HDAC9: variants seen among roughly 807,000 people sequenced by gnomAD.
HDAC9 encodes the protein MEF-2 interacting transcription repressor (MITR) protein.
In HDAC9, 41 loss-of-function variants were observed where a neutral mutation model predicts 139.4. The observed-to-expected ratio is 0.29, with a 90% CI of 0.23 to 0.38. HDAC9 has a LOEUF of 0.38. Among genes scored for constraint, HDAC9 ranks in the 10% least tolerant of loss-of-function variants. The pLI, the probability that HDAC9 is intolerant of heterozygous loss-of-function variation, is 1.00. For synonymous variants in HDAC9, 517 were observed against 476.2 expected (o/e 1.09, Z -1.12); for missense variants, 1,147 against 1,297.0 (o/e 0.88, Z 1.78).
chr7:18,587,459 T>C (rs969864786), intron 3 of HDAC9, among the ~76,000 whole-genome samples: 5 of 152,218 alleles, frequency 3.3e-5, no homozygotes, highest in African/African-American at 1.2e-4. Context: ...TTATTTTGTT[T>C]TGTCTTGTAT....
chr7:18,628,806 A>G lies in HDAC9; in HGVS notation c.665-544A>G, dbSNP rs561030452. 1.1e-4 allele frequency among the ~76,000 whole-genome samples: 16 copies of G among 152,146 alleles called. 1 individual carries two copies. Among genetic ancestry groups the G allele is most frequent in the Non-Finnish European group, 2.1e-4 (14 of 68,016 alleles). ...TTGGTTTGGTGTCATTACACTGAGT[A>G]TGTTTCCCCAAGGTTTTAGATTAGA... On this transcript the variant is annotated intron_variant, in intron 6 of 25. Transcript: ENST00000686413.
At chr7:18,222,994 G>A (rs868674834) in intron 2 of HDAC9, among the ~76,000 whole-genome samples, 5 of 152,212 alleles carry the variant, frequency 3.3e-5, no homozygotes, top group Middle Eastern at 3.4e-3. Flanking sequence ...CAGTATTGCA[G>A]GAGAAAGTCC....
intron 2 of HDAC9, among the ~76,000 whole-genome samples, chr7:18,167,901 A>G (rs1788116012): frequency 1.3e-5 from 2 of 152,212 alleles, no homozygotes; most frequent in Admixed American, 6.5e-5. Flanking sequence ...GGTATTGCTT[A>G]CCAAGAGGTG....
intron 1 of HDAC9, among the ~76,000 whole-genome samples, chr7:18,123,689 C>T (rs944369960): frequency 6.6e-6 from 1 of 152,068 alleles, no homozygotes; most frequent in African/African-American, 2.4e-5. Context: ...TGGGGTGAAG[C>T]AGTATGAAGG....
chr7:18,664,096 A>G (rs940248964), intron 11 of HDAC9, among the ~76,000 whole-genome samples: 6 of 152,152 alleles, frequency 3.9e-5, no homozygotes, highest in Non-Finnish European at 8.8e-5. Context: ...TAGGACTATA[A>G]TATGGTCTCT....
chr7:18,716,086 G>C (rs763071566), intron 12 of HDAC9, among the ~76,000 whole-genome samples: 1 of 152,184 alleles, frequency 6.6e-6, no homozygotes, highest in Non-Finnish European at 1.5e-5. Context: ...AAATGCTCAA[G>C]AGATCCATCT....
At chr7:18,863,463 C>T (rs978416877) in intron 21 of HDAC9, among the ~76,000 whole-genome samples, 1 of 152,058 alleles carries the variant, frequency 6.6e-6, no homozygotes, top group African/African-American at 2.4e-5. Flanking sequence ...TTTTTTAGTT[C>T]ATCAGCTATT....
intron 23 of HDAC9, among the ~76,000 whole-genome samples, chr7:18,951,952 T>G (rs1406759610): frequency 1.3e-5 from 2 of 151,890 alleles, no homozygotes; most frequent in East Asian, 1.9e-4. Flanking sequence ...GCCACTTGCC[T>G]TCTTGCCAAC....
At chr7:18,199,163 G>A (rs776395332) in intron 2 of HDAC9, among the ~76,000 whole-genome samples, 2 of 152,068 alleles carry the variant, frequency 1.3e-5, no homozygotes, top group Non-Finnish European at 2.9e-5. Flanking sequence ...GAGTTTTCTT[G>A]GGGAATAGTG....
At chr7:18,909,193 C>G (rs948688038) in intron 22 of HDAC9, among the ~76,000 whole-genome samples, 1 of 151,950 alleles carries the variant, frequency 6.6e-6, no homozygotes, top group Non-Finnish European at 1.5e-5. Flanking sequence ...CGTATGTCTT[C>G]TTTTAAGAAA....
At chr7:18,368,482 G>A (rs2128698620) in intron 1 of HDAC9, among the ~76,000 whole-genome samples, 1 of 151,902 alleles carries the variant, frequency 6.6e-6, no homozygotes. Flanking sequence ...TTCCATTGCT[G>A]AGACCTTTGC....
chr7:18,705,801 C>G (rs1012705204), intron 12 of HDAC9, among the ~76,000 whole-genome samples: 1 of 143,446 alleles, frequency 7.0e-6, no homozygotes, highest in South Asian at 2.2e-4. Context: ...TGCAGTGAGC[C>G]GAGATGGCAC....
chr7:18,644,728 C>G lies in HDAC9; in HGVS notation c.970C>G (p.Leu324Val), dbSNP rs1450793872. ...TGAAGATTCCATGAACCTGCTAAGT[C>G]TTTATACCTCTCCTTCTTTGCCCAA... ...IHEDSMNLLS[L>V]YTSPSLPNIT... Residue 324 changes from leucine (L) to valine (V), a missense_variant, in exon 9 of 26, where the codon CTT becomes GTT. Physicochemically the swap from Leu to Val is conservative, Grantham distance 32. Transcript: ENST00000686413. The G allele has an allele frequency of 1.2e-6, 2 of 1,612,354 alleles. No individual in the cohort carries two copies. Among genetic ancestry groups the G allele is most frequent in the Non-Finnish European group, 8.5e-7 (1 of 1,179,036 alleles).
chr7:18,157,848 A>AGAGAGAGACT (rs1291729009), intron 1 of HDAC9, among the ~76,000 whole-genome samples: 2 of 142,276 alleles, frequency 1.4e-5, no homozygotes, highest in East Asian at 4.3e-4. Flanking sequence ...AGAGAGAGAG[A>AGAGAGAGACT]GAGACTGAGG....
chr7:18,348,600 A>G (rs1405904905), intron 1 of HDAC9, among the ~76,000 whole-genome samples: 3 of 152,178 alleles, frequency 2.0e-5, no homozygotes, highest in Non-Finnish European at 4.4e-5. Flanking sequence ...GCAATCACAC[A>G]TCTGTTGTTC....
At chr7:18,454,103 A>C (rs546440845) in intron 1 of HDAC9, among the ~76,000 whole-genome samples, 2 of 152,242 alleles carry the variant, frequency 1.3e-5, no homozygotes, top group Non-Finnish European at 2.9e-5. Context: ...TGAAGTGTTA[A>C]TTATGGAATT....
At chr7:18,317,946 G>T (rs550515837) in intron 1 of HDAC9, among the ~76,000 whole-genome samples, 2 of 152,276 alleles carry the variant, frequency 1.3e-5, no homozygotes, top group Non-Finnish European at 2.9e-5. Context: ...AAAATGGTTG[G>T]TAAGAGTGGA....
intron 24 of HDAC9, among the ~76,000 whole-genome samples, chr7:18,964,337 C>A (rs918636727): frequency 5.9e-5 from 9 of 152,148 alleles, no homozygotes; most frequent in Admixed American, 3.9e-4. Context: ...CAGATATACA[C>A]CTTCTGATTA....
intron 1 of HDAC9, among the ~76,000 whole-genome samples, chr7:18,374,120 T>C (rs948223561): frequency 4.6e-5 from 7 of 151,634 alleles, no homozygotes; most frequent in Non-Finnish European, 8.8e-5. Context: ...TGCATATATA[T>C]CATAAAAATA....
Sources: allele counts gnomAD v4.1 joint callset (sites outside exome capture counted in the v4.1 genomes callset), GRCh38; gene constraint gnomAD v4.1.1; transcripts MANE v1.5; gene names NCBI Gene and HGNC (gene_info 2026-07-23, HGNC 2026-07-21).